HELZ: variants seen among roughly 807,000 people sequenced by gnomAD.
HELZ encodes the protein helicase with zinc finger, also known as ATP-dependent RNA helicase with zinc finger domain.
HELZ carries 23 observed loss-of-function variants against 218.2 expected under a neutral mutation model. That is an observed-to-expected ratio of 0.11 (90% confidence interval 0.08 to 0.15). The LOEUF (loss-of-function observed/expected upper bound fraction) is 0.15, where lower values mean the gene tolerates loss of function less well. Ranked by LOEUF, HELZ falls within the 10% of genes least tolerant of loss-of-function variation. HELZ has a pLI of 1.00. For synonymous variants in HELZ, 814 were observed against 829.4 expected (o/e 0.98, Z 0.32); for missense variants, 1,813 against 2,353.7 (o/e 0.77, Z 4.75).
intron 17 of HELZ, among the ~76,000 whole-genome samples, chr17:67,159,395 T>A (rs2038933774): frequency 6.6e-6 from 1 of 152,170 alleles, no homozygotes; most frequent in Admixed American, 6.5e-5. Context: ...TGGTTATGAT[T>A]ACTGAAGAAT....
chr17:67,076,907 G>C lies in HELZ; in HGVS notation c.*1345C>G, dbSNP rs959863549. On this transcript the variant is annotated 3_prime_UTR_variant, in exon 33 of 33. Coordinates refer to ENST00000358691, the MANE Select transcript of HELZ (RefSeq NM_014877.4). ...TTCGAGATACCTCTGAAATATAAAA[G>C]TAGTATTACAAGGTCAGGAAAATAA... 2 of 152,180 alleles carry C rather than the reference G, an allele frequency of 1.3e-5. No homozygotes were observed. The highest frequency in any genetic ancestry group is 3.9e-4 in the East Asian group (2 of 5,182). 9.4% of individuals were successfully genotyped at this position (152,180 alleles called of 1,614,324 possible).
intron 9 of HELZ, among the ~76,000 whole-genome samples, chr17:67,190,906 C>T (rs2039876628): frequency 6.6e-6 from 1 of 152,116 alleles, no homozygotes; most frequent in African/African-American, 2.4e-5. Context: ...GACGGGGTTT[C>T]ATCATCTTGG....
At position 67,148,723 on chromosome 17, in the gene HELZ, G is replaced by C. The variant is rs1567842061; in HGVS notation, c.2476-9C>G. 3.7e-6 allele frequency: 6 copies of C among 1,600,628 alleles called. No homozygotes were observed. The highest frequency in any genetic ancestry group is 5.1e-6 in the Non-Finnish European group (6 of 1,175,052). On this transcript the variant is annotated splice_polypyrimidine_tract_variant and intron_variant, in intron 19 of 32. Coordinates refer to ENST00000358691, the MANE Select transcript of HELZ (RefSeq NM_014877.4). ...TAAACAAAAGGACTGAGCTGTAACA[G>C]ACAAACATACAGAGAAAGTTTAACT... is the stretch of plus-strand genomic sequence containing the variant.
intron 11 of HELZ, among the ~76,000 whole-genome samples, chr17:67,189,012 T>C (rs2039829567): frequency 6.6e-6 from 1 of 152,126 alleles, no homozygotes; most frequent in South Asian, 2.1e-4. Flanking sequence ...TGTTCTTAGA[T>C]TTTTCATCTC....
intron 3 of HELZ, among the ~76,000 whole-genome samples, chr17:67,236,467 T>C (rs959699575): frequency 5.3e-5 from 8 of 152,088 alleles, no homozygotes; most frequent in Non-Finnish European, 1.2e-4. Context: ...GTATCTACAA[T>C]GATGTAGATT....
intron 7 of HELZ, among the ~76,000 whole-genome samples, chr17:67,197,088 G>A (rs371644006): frequency 6.6e-6 from 1 of 152,132 alleles, no homozygotes; most frequent in Non-Finnish European, 1.5e-5. Context: ...ATCTCATCTT[G>A]AATTGTAGCT....
rs765868246 is a variant in HELZ, at chr17:67,167,496, T to C, written c.1731A>G (p.Glu577=). 44 of 1,613,626 alleles carry C rather than the reference T, an allele frequency of 2.7e-5. No homozygotes were observed. Among genetic ancestry groups the C allele is most frequent in the Non-Finnish European group, 3.4e-5 (40 of 1,179,756 alleles). ...IFLRLSRECC[E]ELNLRPDCDT... is the part of the protein sequence containing the mutation. ...CACAGTCAGGCCGAAGATTAAGTTC[T>C]TCACAGCATTCCCTAGATAGCCTTA... is the stretch of plus-strand genomic sequence containing the variant. The change falls in exon 14 of 33, where the codon GAA becomes GAG. Residue 577 remains glutamate (E), a synonymous_variant. Transcript: ENST00000358691.
chr17:67,091,990 C>T (rs1219802023), intron 31 of HELZ, among the ~76,000 whole-genome samples: 2 of 152,130 alleles, frequency 1.3e-5, no homozygotes, highest in African/African-American at 2.4e-5. Flanking sequence ...AAGGAGAGGA[C>T]TATCACTATA....
intron 3 of HELZ, among the ~76,000 whole-genome samples, chr17:67,227,836 T>G (rs903366431): frequency 1.3e-5 from 2 of 152,214 alleles, no homozygotes; most frequent in African/African-American, 4.8e-5. Context: ...ATTTTAAAAA[T>G]CAGCTATATT....
intron 23 of HELZ, among the ~76,000 whole-genome samples, chr17:67,134,169 AGGTCC>A (rs2038073123): frequency 6.6e-6 from 1 of 152,174 alleles, no homozygotes; most frequent in African/African-American, 2.4e-5. Flanking sequence ...AGATTACCTG[AGGTCC>A]GGAGTTTGAG....
chr17:67,093,873 C>T (rs971488529), intron 31 of HELZ, among the ~76,000 whole-genome samples: 9 of 152,026 alleles, frequency 5.9e-5, no homozygotes, highest in African/African-American at 2.2e-4. Flanking sequence ...GTCATTTTAG[C>T]CTTATAAAAC....
chr17:67,103,510 A>G (rs529900426), intron 31 of HELZ, among the ~76,000 whole-genome samples: 111 of 152,324 alleles, frequency 7.3e-4, no homozygotes, highest in African/African-American at 2.6e-3. Context: ...GAGAAAGAAT[A>G]AAATGCTTAG....
At chr17:67,090,065 CA>C (rs1444357151) in intron 31 of HELZ, among the ~76,000 whole-genome samples, 1 of 152,072 alleles carries the variant, frequency 6.6e-6, no homozygotes, top group Non-Finnish European at 1.5e-5. Flanking sequence ...TGCCCTTTAA[CA>C]GGGTGAAGAA....
intron 15 of HELZ, among the ~76,000 whole-genome samples, chr17:67,166,036 G>A (rs755379859): frequency 2.0e-5 from 3 of 152,136 alleles, no homozygotes; most frequent in Non-Finnish European, 4.4e-5. Flanking sequence ...CTCAGAGGCT[G>A]AGGCAGGAGA....
intron 9 of HELZ, 49 bp downstream of exon 9, chr17:67,193,917 TC>T: frequency 7.4e-7 from 1 of 1,358,248 alleles, no homozygotes; most frequent in Non-Finnish European, 1.0e-6. Flanking sequence ...AAATTATCTG[TC>T]CTTTCAACAA....
At chr17:67,193,774 T>C (rs185062401) in intron 9 of HELZ, among the ~76,000 whole-genome samples, 193 bp downstream of exon 9, 2 of 152,308 alleles carry the variant, frequency 1.3e-5, no homozygotes, top group African/African-American at 4.8e-5. Context: ...AACCTGCATT[T>C]AGATCATTGC....
intron 28 of HELZ, among the ~76,000 whole-genome samples, chr17:67,113,472 G>T (rs929181955): frequency 7.9e-5 from 12 of 152,100 alleles, no homozygotes; most frequent in Non-Finnish European, 4.4e-5. Context: ...GTGTTAGCCT[G>T]GATAGTCTCA....
chr17:67,215,833 C>CAAA (rs540586856), intron 5 of HELZ, 66 bp downstream of exon 5: 5 of 855,436 alleles, frequency 5.8e-6, no homozygotes, highest in East Asian at 3.3e-5. Flanking sequence ...TGAAATTAGC[C>CAAA]AAAAAAAAAA....
At chr17:67,245,541 G>A, upstream of HELZ, 1 of 982,576 alleles carries the variant, frequency 1.0e-6, no homozygotes, top group Non-Finnish European at 1.2e-6. Context: ...CGCCCGCGGC[G>A]CGGCGCGGAG....
Sources: gnomAD v4.1 joint callset for allele counts (sites outside exome capture counted in the v4.1 genomes callset) on GRCh38, gnomAD v4.1.1 for gene constraint, MANE v1.5 for transcripts, NCBI Gene and HGNC (gene_info 2026-07-23, HGNC 2026-07-21) for gene names.